The following CLASP2 variants were observed in gnomAD, a reference collection of about 807,000 sequenced individuals.
CLASP2 encodes CLIP-associating protein 2.
A neutral mutation model predicts 194.4 loss-of-function variants in CLASP2; 47 were observed. That is an observed-to-expected ratio of 0.24 (90% CI 0.19 to 0.31). The LOEUF is 0.31. Among genes scored for constraint, CLASP2 ranks in the 10% least tolerant of loss-of-function variants. The pLI is 1.00. For synonymous variants in CLASP2, 619 were observed against 633.5 expected, an observed-to-expected ratio of 0.98 and a Z score of 0.34; for missense variants, 1,445 against 1,823.6, an observed-to-expected ratio of 0.79 and a Z score of 3.78.
Position 33,604,184 on chromosome 3 carries a change from T to C in CLASP2, c.1720A>G (p.Thr574Ala), listed in dbSNP as rs989750283. 4.5e-6 allele frequency: 7 copies of C among 1,560,706 alleles called. No individual in the cohort carries two copies. Among genetic ancestry groups the C allele is most frequent in the African/African-American group, 1.4e-5 (1 of 73,436 alleles). ...LNRPFSSKWSTANPSTVAGRV... is the reference protein window; with the variant it reads ...LNRPFSSKWSAANPSTVAGRV... The stretch of plus-strand genomic sequence containing the variant: ...CCAGCCACAGTTGATGGATTTGCTG[T>C]AGACCATTTGGAAGAAAAAGGGCGA... The change falls in exon 17 of 39, where the codon ACA (threonine) becomes GCA (alanine). Residue 574 changes from threonine (T) to alanine (A), a missense_variant. Thr to Ala is a moderately conservative substitution (Grantham distance 58, BLOSUM62 0). This residue lies in a region of CLASP2 where 174 missense variants were observed against 179.0 expected (regional missense o/e 0.97). Coordinates refer to ENST00000682230, the MANE Select transcript of CLASP2 (RefSeq NM_001365631.1).
chr3:33,608,468 G>A (rs2074373841), intron 14 of CLASP2, 99 bp downstream of exon 14: 3 of 951,930 alleles, frequency 3.2e-6, no homozygotes, highest in Non-Finnish European at 3.2e-6. Context: ...AATAACCTTT[G>A]AAGCAAAATG....
intron 13 of CLASP2, among the ~76,000 whole-genome samples, chr3:33,610,664 C>A (rs1000123651): frequency 6.6e-6 from 1 of 152,156 alleles, no homozygotes; most frequent in African/African-American, 2.4e-5. Flanking sequence ...CAGTCTCTGT[C>A]TCATATTCTT....
intron 9 of CLASP2, among the ~76,000 whole-genome samples, chr3:33,629,795 GA>G (rs112417294): frequency 0.15 from 21,007 of 140,018 alleles, 1,844 homozygotes; most frequent in African/African-American, 0.28. Context: ...ACTTTGCTAT[GA>G]AAAAAAAAAA....
chr3:33,534,230 GAATTAAGT>G (rs1166818976), intron 34 of CLASP2, among the ~76,000 whole-genome samples: 1 of 151,990 alleles, frequency 6.6e-6, no homozygotes, highest in Non-Finnish European at 1.5e-5. Flanking sequence ...AAGTATTAAT[GAATTAAGT>G]AATTAAGAAA....
At chr3:33,658,758 T>C (rs1405332715) in intron 7 of CLASP2, among the ~76,000 whole-genome samples, 1 of 151,870 alleles carries the variant, frequency 6.6e-6, no homozygotes. Flanking sequence ...TGTCACCTCA[T>C]GCTTGCCAGA....
At chr3:33,580,354 G>A (rs1448166287) in intron 23 of CLASP2, among the ~76,000 whole-genome samples, 1 of 152,098 alleles carries the variant, frequency 6.6e-6, no homozygotes, top group African/African-American at 2.4e-5. Context: ...CTGAGGTCAG[G>A]AGTTCGAGAC....
chr3:33,716,178 G>A (rs1321683127), intron 1 of CLASP2, among the ~76,000 whole-genome samples: 2 of 152,176 alleles, frequency 1.3e-5, no homozygotes, highest in Non-Finnish European at 2.9e-5. Context: ...TAGACAGGTG[G>A]TGGGAGACTA....
At chr3:33,672,444 T>C (rs1352314580) in intron 6 of CLASP2, among the ~76,000 whole-genome samples, 4 of 152,092 alleles carry the variant, frequency 2.6e-5, no homozygotes, top group Non-Finnish European at 4.4e-5. Context: ...AACCCATCTG[T>C]ACATCACCAT....
chr3:33,593,139 C>A (rs1338728518), intron 20 of CLASP2, among the ~76,000 whole-genome samples: 2 of 152,186 alleles, frequency 1.3e-5, no homozygotes, highest in African/African-American at 4.8e-5. Flanking sequence ...GCACTCCTTT[C>A]TATTCTACCA....
chr3:33,609,940 T>A (rs1409347148), intron 13 of CLASP2, among the ~76,000 whole-genome samples: 1 of 152,202 alleles, frequency 6.6e-6, no homozygotes, highest in Non-Finnish European at 1.5e-5. Context: ...GGAGTTAAAC[T>A]TAAACCTTGG....
intron 28 of CLASP2, 92 bp downstream of exon 28, chr3:33,560,716 C>T (rs1475457646): frequency 3.5e-6 from 4 of 1,131,586 alleles, no homozygotes; most frequent in Non-Finnish European, 5.1e-6. Flanking sequence ...CTAAATTGTT[C>T]AAAGGGACCC....
intron 38 of CLASP2, among the ~76,000 whole-genome samples, chr3:33,500,039 C>CT (rs750565639): frequency 0.047 from 6,974 of 147,346 alleles, 235 homozygotes; most frequent in Non-Finnish European, 0.071. Flanking sequence ...CTGTGTTCTA[C>CT]TTTTTTTTTT....
At chr3:33,510,849 A>C in intron 36 of CLASP2, 85 bp from the exon 37 acceptor site, 1 of 1,177,504 alleles carries the variant, frequency 8.5e-7, no homozygotes, top group Non-Finnish European at 1.2e-6. Flanking sequence ...TGAAGTATTC[A>C]ATATAATATA....
chr3:33,614,104 CT>C (rs1484698308), intron 12 of CLASP2, among the ~76,000 whole-genome samples: 2 of 152,022 alleles, frequency 1.3e-5, no homozygotes, highest in African/African-American at 4.8e-5. Flanking sequence ...GAAGTAGACT[CT>C]TAGGAAATAA....
intron 18 of CLASP2, among the ~76,000 whole-genome samples, chr3:33,601,087 T>C (rs969209617): frequency 6.6e-6 from 1 of 151,310 alleles, no homozygotes; most frequent in Non-Finnish European, 1.5e-5. Context: ...GCCTCCCGAG[T>C]AGCTGGGACT....
At chr3:33,616,432 T>G (rs1371573539) in intron 12 of CLASP2, among the ~76,000 whole-genome samples, 1 of 152,124 alleles carries the variant, frequency 6.6e-6, no homozygotes, top group Non-Finnish European at 1.5e-5. Context: ...TTACTAAACT[T>G]AGCCAACCGA....
intron 2 of CLASP2, among the ~76,000 whole-genome samples, chr3:33,695,033 C>G (rs1354552385): frequency 6.7e-6 from 1 of 149,050 alleles, no homozygotes; most frequent in African/African-American, 2.5e-5. Flanking sequence ...AAGTAAAATA[C>G]TTGCAGAGCA....
chr3:33,562,516 C>A (rs1393031315), intron 27 of CLASP2, among the ~76,000 whole-genome samples: 1 of 152,144 alleles, frequency 6.6e-6, no homozygotes, highest in Non-Finnish European at 1.5e-5. Context: ...GTTAAATATT[C>A]AGGAATCTTG....
At chr3:33,600,048 A>AT (rs2071603316) in intron 18 of CLASP2, among the ~76,000 whole-genome samples, 1 of 152,246 alleles carries the variant, frequency 6.6e-6, no homozygotes, top group South Asian at 2.1e-4. Flanking sequence ...AAAATAATAG[A>AT]TATTCAATGT....
Sources: gnomAD v4.1 joint callset for allele counts (sites outside exome capture counted in the v4.1 genomes callset) on GRCh38, gnomAD v4.1.1 for gene constraint, gnomAD v4.1.1 regional missense constraint, MANE v1.5 for transcripts, NCBI Gene and HGNC (gene_info 2026-07-23, HGNC 2026-07-21) for gene names.